STXBP5L: variants seen among roughly 807,000 people sequenced by gnomAD.
STXBP5L encodes the protein syntaxin-binding protein 5-like.
A neutral mutation model predicts 144.5 loss-of-function variants in STXBP5L; 65 were observed. That is an observed-to-expected ratio of 0.45 (90% confidence interval 0.37 to 0.55). The LOEUF is 0.55. STXBP5L is among the 20% of genes least tolerant of loss of function. The pLI, the probability that STXBP5L is intolerant of heterozygous loss-of-function variation, is 0.00. For synonymous variants in STXBP5L, 505 were observed against 469.6 expected (o/e 1.08, Z -0.97); for missense variants, 1,298 against 1,405.5 (o/e 0.92, Z 1.22).
At chr3:121,345,185 G>T (rs561964077) in intron 20 of STXBP5L, among the ~76,000 whole-genome samples, 5 of 151,840 alleles carry the variant, frequency 3.3e-5, no homozygotes, top group Admixed American at 3.3e-4. Flanking sequence ...ACAGGACCCC[G>T]TGTGTGATGT....
At chr3:120,976,803 C>T (rs1340148650) in intron 3 of STXBP5L, among the ~76,000 whole-genome samples, 2 of 152,098 alleles carry the variant, frequency 1.3e-5, no homozygotes, top group African/African-American at 4.8e-5. Flanking sequence ...TCGTTATGTA[C>T]CCAGTAGTCA....
At chr3:121,111,951 C>T (rs1192943678) in intron 5 of STXBP5L, among the ~76,000 whole-genome samples, 1 of 152,118 alleles carries the variant, frequency 6.6e-6, no homozygotes, top group Non-Finnish European at 1.5e-5. Flanking sequence ...TGCAGAGAGG[C>T]CCCCATCCAG....
At position 121,255,060 on chromosome 3, in the gene STXBP5L, C is replaced by A. The variant is rs1298210540; in HGVS notation, c.1607C>A (p.Ala536Glu). 6.2e-7 allele frequency: 1 copy of A among 1,607,878 alleles called. No individual in the cohort carries two copies. The highest frequency in any genetic ancestry group is 1.3e-5 in the African/African-American group (1 of 74,702). Residue 536 changes from alanine (A) to glutamate (E), a missense_variant, in exon 16 of 27, where the codon GCA becomes GAA. Physicochemically the swap from Ala to Glu is moderately radical, Grantham distance 107. Transcript: ENST00000471454. The stretch of plus-strand genomic sequence containing the variant: ...ATATTCTGTGTATCAGGAGTCTCTG[C>A]ATATGTCATAATTTATAAATTCAGC... ...SRIFCVSGVS[A>E]YVIIYKFSRH...
intron 20 of STXBP5L, among the ~76,000 whole-genome samples, chr3:121,350,562 T>G (rs9859933): frequency 0.1 from 15,258 of 152,184 alleles, 1,221 homozygotes; most frequent in Admixed American, 0.2. Flanking sequence ...GTTTTCCAAC[T>G]TGGTTCCATT....
intron 9 of STXBP5L, among the ~76,000 whole-genome samples, chr3:121,167,575 G>A (rs891096871): frequency 6.6e-6 from 1 of 151,990 alleles, no homozygotes; most frequent in African/African-American, 2.4e-5. Flanking sequence ...GTTCAAACTG[G>A]GTGGAGCCCT....
intron 5 of STXBP5L, among the ~76,000 whole-genome samples, chr3:121,066,070 AC>A (rs2041528971): frequency 6.6e-6 from 1 of 152,120 alleles, no homozygotes; most frequent in Non-Finnish European, 1.5e-5. Context: ...ACAGCCCATG[AC>A]CTTTGTCATA....
intron 9 of STXBP5L, among the ~76,000 whole-genome samples, chr3:121,171,727 A>G (rs532457360): frequency 6.6e-6 from 1 of 151,956 alleles, no homozygotes; most frequent in South Asian, 2.1e-4. Flanking sequence ...AAAGCATTCC[A>G]TGCTGACGGA....
At chr3:121,236,690 C>T (rs866880024) in intron 12 of STXBP5L, among the ~76,000 whole-genome samples, 17 of 152,298 alleles carry the variant, frequency 1.1e-4, no homozygotes, top group Middle Eastern at 3.4e-3. Flanking sequence ...AAACTCATGT[C>T]CTCACATAAA....
intron 15 of STXBP5L, among the ~76,000 whole-genome samples, chr3:121,252,189 G>C (rs1478562863): frequency 1.3e-5 from 2 of 151,928 alleles, no homozygotes; most frequent in African/African-American, 4.8e-5. Context: ...GTGAAACCCT[G>C]TCTCTACTAA....
chr3:121,250,783 A>G lies in STXBP5L; in HGVS notation c.1441+20A>G. On this transcript the variant is annotated intron_variant, in intron 15 of 26. Transcript: ENST00000471454. ...CTGCAAGTAAGTTTCAAGTTTCTGTACAACAGAAACCAATTGGTTAATATT... is the reference window on the plus strand; with the variant it reads ...CTGCAAGTAAGTTTCAAGTTTCTGTGCAACAGAAACCAATTGGTTAATATT... 1 of 1,602,376 alleles carries G rather than the reference A, an allele frequency of 6.2e-7. No individual in the cohort carries two copies. Among genetic ancestry groups the G allele is most frequent in the South Asian group, 1.1e-5 (1 of 89,778 alleles).
At chr3:120,952,055 A>G (rs906640550) in intron 2 of STXBP5L, among the ~76,000 whole-genome samples, 8 of 151,566 alleles carry the variant, frequency 5.3e-5, no homozygotes, top group Admixed American at 2.0e-4. Flanking sequence ...TATCGCAAGA[A>G]CAAAAAACCA....
At position 121,335,050 on chromosome 3, in the gene STXBP5L, GA is replaced by G. The variant is rs1398671040; in HGVS notation, c.2176+16514del. On this transcript the variant is annotated intron_variant, in intron 20 of 26. Coordinates refer to ENST00000471454, the MANE Select transcript of STXBP5L (RefSeq NM_001308330.2). ...TGCAGATGACATGATTTTATATCTA[GA>G]AAACCCTATAGTTATAGACAAAAAG... Among the ~76,000 whole-genome samples, 7 of 152,130 alleles carry G rather than the reference GA, an allele frequency of 4.6e-5. No individual in the cohort carries two copies. The East Asian group carries it at 1.2e-3, about 25-fold the overall frequency.
chr3:121,191,375 C>A (rs1559846596), intron 9 of STXBP5L, among the ~76,000 whole-genome samples: 1 of 152,104 alleles, frequency 6.6e-6, no homozygotes, highest in Non-Finnish European at 1.5e-5. Context: ...CTGTCTCCAC[C>A]AAAAAATATG....
intron 20 of STXBP5L, among the ~76,000 whole-genome samples, chr3:121,351,818 T>G (rs1209954812): frequency 1.3e-5 from 2 of 152,168 alleles, no homozygotes. Context: ...TGGTTTTAGG[T>G]CTAACATTTA....
intron 19 of STXBP5L, among the ~76,000 whole-genome samples, chr3:121,302,028 C>T (rs2051933150): frequency 6.6e-6 from 1 of 152,028 alleles, no homozygotes; most frequent in Non-Finnish European, 1.5e-5. Context: ...GTGTCTCTGC[C>T]CGGCTTTGGT....
At position 121,419,299 on chromosome 3, in the gene STXBP5L, G is replaced by A. The variant is rs1331202150; in HGVS notation, c.*202G>A. 6 of 478,796 alleles carry A rather than the reference G, an allele frequency of 1.3e-5. No individual in the cohort carries two copies. The highest frequency in any genetic ancestry group is 2.0e-5 in the African/African-American group (1 of 49,628). 29.7% of individuals were successfully genotyped at this position (478,796 alleles called of 1,614,324 possible). On this transcript the variant is annotated 3_prime_UTR_variant, in exon 27 of 27. Coordinates refer to ENST00000471454, the MANE Select transcript of STXBP5L (RefSeq NM_001308330.2). ...AGCCCTGGTTAAAATCCCAAAATAC[G>A]GCTGAATTTGCCTTTTCCCATGTGG...
chr3:120,970,760 C>G (rs1003472151), intron 3 of STXBP5L, among the ~76,000 whole-genome samples: 7 of 152,004 alleles, frequency 4.6e-5, no homozygotes. Flanking sequence ...CATGTGCTTT[C>G]CAGGTCTTTT....
intron 3 of STXBP5L, among the ~76,000 whole-genome samples, chr3:121,023,947 A>G (rs909087304): frequency 3.9e-5 from 6 of 151,974 alleles, no homozygotes; most frequent in Non-Finnish European, 8.8e-5. Context: ...TTTAGTAGAG[A>G]TGGAGTTTCA....
chr3:121,143,015 G>A (rs1442198184), intron 7 of STXBP5L, among the ~76,000 whole-genome samples: 1 of 151,748 alleles, frequency 6.6e-6, no homozygotes, highest in Non-Finnish European at 1.5e-5. Context: ...AATAAAATCA[G>A]AAATGAAAGG....
Sources: allele counts gnomAD v4.1 joint callset (sites outside exome capture counted in the v4.1 genomes callset), GRCh38; gene constraint gnomAD v4.1.1; transcripts MANE v1.5; gene names NCBI Gene and HGNC (gene_info 2026-07-23, HGNC 2026-07-21).